Variants in ZNF79 observed in about 807,000 individuals in gnomAD.
ZNF79 encodes ZNFpT7.
A neutral mutation model predicts 14.9 loss-of-function variants in ZNF79; 13 were observed. That is an observed-to-expected ratio of 0.87 (90% CI 0.57 to 1.38). The LOEUF (loss-of-function observed/expected upper bound fraction) is 1.38, where lower values mean the gene tolerates loss of function less well. ZNF79 is among the 40% of genes most tolerant of loss of function. The probability of loss-of-function intolerance (pLI) is 0.00; values close to 1 mark genes in which losing one functional copy is unlikely to be tolerated. For missense variants in ZNF79, 631 were observed against 630.6 expected, an observed-to-expected ratio of 1.00 and a Z score of -0.01; for synonymous variants, 223 against 235.1, an observed-to-expected ratio of 0.95 and a Z score of 0.47.
intron 2 of ZNF79, among the ~76,000 whole-genome samples, chr9:127,432,862 T>C (rs544944505): frequency 3.3e-5 from 5 of 152,350 alleles, no homozygotes; most frequent in African/African-American, 1.2e-4. Flanking sequence ...ATTTTTGTTA[T>C]TTGGTTCATG....
Position 127,435,913 on chromosome 9 carries a change from C to G in ZNF79, c.238C>G (p.Pro80Ala). ...TGTTTTTTCCCGTTGAATAGGACTT[C>G]CAGTTTCCCAGCCTGGCATGAACTC... The part of the protein sequence containing the change: ...KSRSLVLLGL[P>A]VSQPGMNSQL... The change falls in exon 4 of 5, where the codon CCA (proline) becomes GCA (alanine). Residue 80 changes from proline (P) to alanine (A), a missense_variant. Coordinates refer to ENST00000342483, the MANE Select transcript of ZNF79 (RefSeq NM_007135.3). 1 of 1,614,110 alleles carries G rather than the reference C, an allele frequency of 6.2e-7. No homozygotes were observed. The highest frequency in any genetic ancestry group is 1.7e-5 in the Admixed American group (1 of 60,020).
intron 2 of ZNF79, among the ~76,000 whole-genome samples, chr9:127,431,144 C>CTTAA (rs1439359487): frequency 2.6e-5 from 4 of 151,688 alleles, no homozygotes; most frequent in Non-Finnish European, 5.9e-5. Context: ...TTGTTTCTTG[C>CTTAA]TTTAAGTTCC....
At chr9:127,426,183 C>T (rs1202151225) in intron 1 of ZNF79, among the ~76,000 whole-genome samples, 1 of 152,134 alleles carries the variant, frequency 6.6e-6, no homozygotes, top group Non-Finnish European at 1.5e-5. Flanking sequence ...TTAGTATTTT[C>T]ACAAAGTCTT....
chr9:127,442,235 T>C (rs1056409732), intron 4 of ZNF79, among the ~76,000 whole-genome samples: 1 of 147,684 alleles, frequency 6.8e-6, no homozygotes, highest in African/African-American at 2.5e-5. Context: ...ACCCTGTCTT[T>C]ACCAAAAATA....
At chr9:127,432,769 T>G (rs1431372508) in intron 2 of ZNF79, among the ~76,000 whole-genome samples, 1 of 152,182 alleles carries the variant, frequency 6.6e-6, no homozygotes, top group African/African-American at 2.4e-5. Context: ...TGTCAATGAC[T>G]GGGTTATTTT....
At chr9:127,440,048 G>A (rs1290544201) in intron 4 of ZNF79, among the ~76,000 whole-genome samples, 1 of 152,108 alleles carries the variant, frequency 6.6e-6, no homozygotes, top group East Asian at 1.9e-4. Context: ...ATTTTTAGTA[G>A]AGACGGGGTT....
At chr9:127,435,852 G>C in intron 3 of ZNF79, 56 bp from the exon 4 acceptor site, 2 of 1,421,450 alleles carry the variant, frequency 1.4e-6, no homozygotes, top group South Asian at 1.1e-5. Flanking sequence ...CTGAGTTCTG[G>C]GTGGCTGTTC....
intron 2 of ZNF79, among the ~76,000 whole-genome samples, chr9:127,429,516 A>C (rs1833823372): frequency 6.8e-6 from 1 of 146,208 alleles, no homozygotes; most frequent in African/African-American, 2.5e-5. Context: ...ACTTTTGTAG[A>C]GTCAGGGTTT....
intron 4 of ZNF79, among the ~76,000 whole-genome samples, chr9:127,442,066 G>T (rs1355496755): frequency 2.0e-5 from 3 of 151,200 alleles, no homozygotes; most frequent in Non-Finnish European, 4.4e-5. Flanking sequence ...GCAGTGAGCT[G>T]AGATCACACT....
chr9:127,427,943 C>T (rs1211964749), intron 1 of ZNF79, among the ~76,000 whole-genome samples: 1 of 152,164 alleles, frequency 6.6e-6, no homozygotes, highest in Non-Finnish European at 1.5e-5. Flanking sequence ...CCTAATCCAA[C>T]CTCTCAAAGA....
chr9:127,435,847 T>A, intron 3 of ZNF79, 61 bp from the exon 4 acceptor site: 1 of 1,384,852 alleles, frequency 7.2e-7, no homozygotes. Flanking sequence ...CTCTCCTGAG[T>A]TCTGGGTGGC....
intron 2 of ZNF79, among the ~76,000 whole-genome samples, 168 bp downstream of exon 2, chr9:127,429,088 C>T (rs1045043191): frequency 6.6e-6 from 1 of 152,178 alleles, no homozygotes; most frequent in Admixed American, 6.5e-5. Flanking sequence ...GATCTTGGCT[C>T]ACTGCAACCT....
At chr9:127,435,801 C>G (rs890929355) in intron 3 of ZNF79, 107 bp from the exon 4 acceptor site, 24 of 853,650 alleles carry the variant, frequency 2.8e-5, no homozygotes, top group Middle Eastern at 2.7e-4. Flanking sequence ...GATTTGTTGG[C>G]TGAATGAAAT....
chr9:127,433,988 C>T (rs1833903137), intron 2 of ZNF79, among the ~76,000 whole-genome samples: 1 of 152,226 alleles, frequency 6.6e-6, no homozygotes, highest in Non-Finnish European at 1.5e-5. Context: ...CTTCCAGCGG[C>T]TCCCTGTTGC....
chr9:127,435,009 C>G (rs1358835654), intron 2 of ZNF79, 81 bp from the exon 3 acceptor site: 6 of 1,472,214 alleles, frequency 4.1e-6, no homozygotes. Context: ...TTCCAGCTCC[C>G]CCAAAACTGC....
rs767281980 is a variant in ZNF79 at position 127,445,223 on chromosome 9, A to C, written c.*26A>C. The C allele has an allele frequency of 6.2e-7, 1 of 1,606,296 alleles. No individual in the cohort carries two copies. The highest frequency in any genetic ancestry group is 2.2e-5 in the East Asian group (1 of 44,786). ...CTAGGAACATGGTAGAAGTGGAGAG[A>C]GTCCCGGACATGCCGACTCAGGACA... On this transcript the variant is annotated 3_prime_UTR_variant, in exon 5 of 5. Coordinates refer to ENST00000342483, the MANE Select transcript of ZNF79 (RefSeq NM_007135.3).
chr9:127,428,743 C>T, intron 1 of ZNF79, 89 bp from the exon 2 acceptor site: 1 of 1,296,252 alleles, frequency 7.7e-7, no homozygotes, highest in Non-Finnish European at 1.0e-6. Context: ...CCCACGTGCC[C>T]TGATACCTGC....
chr9:127,436,913 G>T (rs559182948), intron 4 of ZNF79, among the ~76,000 whole-genome samples: 9 of 152,174 alleles, frequency 5.9e-5, no homozygotes, highest in South Asian at 2.1e-4. Flanking sequence ...AAAAAAATCA[G>T]CTGGGCGTGG....
chr9:127,426,557 G>A (rs950693980), intron 1 of ZNF79, among the ~76,000 whole-genome samples: 56 of 152,070 alleles, frequency 3.7e-4, no homozygotes, highest in African/African-American at 1.3e-3. Context: ...TGTATTTTTA[G>A]TAGACACAGG....
Sources: allele counts gnomAD v4.1 joint callset (sites outside exome capture counted in the v4.1 genomes callset), GRCh38; gene constraint gnomAD v4.1.1; transcripts MANE v1.5; gene names NCBI Gene and HGNC (gene_info 2026-07-23, HGNC 2026-07-21).